The following CHN2 variants were observed in gnomAD, a reference collection of about 807,000 sequenced individuals.
CHN2 encodes chimerin 2.
Under a neutral mutation model 56.3 loss-of-function variants are expected in CHN2, and 35 were observed. That is an observed-to-expected ratio of 0.62 (90% confidence interval 0.47 to 0.82). The LOEUF is 0.82. CHN2 is among the 40% of genes least tolerant of loss of function. The pLI, the probability that CHN2 is intolerant of heterozygous loss-of-function variation, is 0.00. For synonymous variants in CHN2, 210 were observed against 212.8 expected, an observed-to-expected ratio of 0.99 and a Z score of 0.12; for missense variants, 491 against 580.5, an observed-to-expected ratio of 0.85 and a Z score of 1.58.
intron 1 of CHN2, among the ~76,000 whole-genome samples, chr7:29,283,922 C>CTTTTTTTTTTTTT (rs70980520): frequency 4.3e-5 from 3 of 69,956 alleles, no homozygotes; most frequent in African/African-American, 6.4e-5. Flanking sequence ...CAGCCAAGCT[C>CTTTTTTTTTTTTT]TTTTTTTTTT....
intron 2 of CHN2, among the ~76,000 whole-genome samples, chr7:29,358,008 TA>T (rs1379297991): frequency 1.3e-5 from 2 of 152,208 alleles, no homozygotes; most frequent in East Asian, 1.9e-4. Context: ...CACACTTTTT[TA>T]AACTCTAGCA....
At chr7:29,511,718 A>G (rs16875071) in intron 12 of CHN2, among the ~76,000 whole-genome samples, 18,415 of 96,300 alleles carry the variant, frequency 0.19, 1,455 homozygotes, top group East Asian at 0.37. Context: ...TTTTAATTAT[A>G]TTTTCCTAAA....
chr7:29,214,862 G>A (rs570736896), intron 1 of CHN2, among the ~76,000 whole-genome samples: 8 of 152,036 alleles, frequency 5.3e-5, no homozygotes, highest in African/African-American at 1.2e-4. Context: ...TTCATAAAAC[G>A]TGAGTGCAGA....
At chr7:29,183,446 G>A (rs973574223) in intron 2 of CHN2, among the ~76,000 whole-genome samples, 47 of 151,124 alleles carry the variant, frequency 3.1e-4, no homozygotes, top group East Asian at 1.9e-4. Flanking sequence ...GCATGATCTC[G>A]GCTCACTGCA....
At chr7:29,505,493 C>T (rs1165446087) in intron 10 of CHN2, among the ~76,000 whole-genome samples, 4 of 152,204 alleles carry the variant, frequency 2.6e-5, no homozygotes, top group African/African-American at 9.6e-5. Context: ...GACTTCTCTC[C>T]AGTTCCTCCT....
intron 6 of CHN2, among the ~76,000 whole-genome samples, chr7:29,441,576 T>C (rs1285164602): frequency 6.6e-6 from 1 of 152,232 alleles, no homozygotes; most frequent in East Asian, 1.9e-4. Context: ...AAGGCTGTTA[T>C]ATTTCAACAA....
At chr7:29,505,930 A>G (rs10241777) in intron 10 of CHN2, among the ~76,000 whole-genome samples, 3,637 of 152,302 alleles carry the variant, frequency 0.024, 148 homozygotes, top group African/African-American at 0.084. Flanking sequence ...TCAACATGGC[A>G]TATCTTCTAT....
intron 6 of CHN2, among the ~76,000 whole-genome samples, chr7:29,470,495 A>G (rs764549654): frequency 3.3e-5 from 5 of 152,196 alleles, no homozygotes; most frequent in African/African-American, 1.2e-4. Context: ...AACCTGTTTC[A>G]TAGGTATCTT....
chr7:29,180,683 G>A (rs1364409091), intron 2 of CHN2, among the ~76,000 whole-genome samples: 2 of 152,218 alleles, frequency 1.3e-5, no homozygotes, highest in Non-Finnish European at 2.9e-5. Context: ...TATGTAAAGA[G>A]TTATTACAAA....
Position 29,252,237 on chromosome 7 carries a change from G to A in CHN2, c.49+57247G>A, listed in dbSNP as rs905708231. On this transcript the variant is annotated intron_variant, in intron 1 of 12. Coordinates refer to ENST00000222792, the MANE Select transcript of CHN2 (RefSeq NM_004067.4). ...ACAGTCTTGCTCTGTTGCCCAGGCC[G>A]GAGTGCAGTGGTGCCATCTCAGCTC... Among the ~76,000 whole-genome samples, 7 of 137,094 alleles carry A rather than the reference G, an allele frequency of 5.1e-5. No individual in the cohort carries two copies. The East Asian group carries it at 6.7e-4, about 13-fold the overall frequency. The allele number at this position is 137,094 out of a possible 152,430, so 89.9% of individuals were successfully genotyped here. A position where few individuals can be genotyped will look rare whatever the true frequency, so the allele number is the denominator to read the frequency against.
intron 2 of CHN2, among the ~76,000 whole-genome samples, chr7:29,155,117 C>G (rs566327516): frequency 3.0e-4 from 45 of 152,212 alleles, no homozygotes; most frequent in Non-Finnish European, 4.9e-4. Flanking sequence ...TACCTCCCAC[C>G]AGGTCCCTCC....
chr7:29,236,685 A>C (rs1787220114), intron 1 of CHN2, among the ~76,000 whole-genome samples: 1 of 152,250 alleles, frequency 6.6e-6, no homozygotes, highest in Non-Finnish European at 1.5e-5. Context: ...CATAATACAA[A>C]GTTACCAGCT....
intron 1 of CHN2, among the ~76,000 whole-genome samples, chr7:29,295,314 AACACAC>A (rs58693628): frequency 0.012 from 1,691 of 145,058 alleles, 30 homozygotes; most frequent in African/African-American, 0.041. Flanking sequence ...TTTAGCTGTG[AACACAC>A]ACACACACAC....
rs187938058 is a variant in CHN2, at chr7:29,403,434, G to A, written c.576+2606G>A. On this transcript the variant is annotated intron_variant, in intron 6 of 12. Transcript: ENST00000222792. ...CAATTCCAGACACACCAGCATTTCC[G>A]TTTCCAGGTACTTAAATTTCGTTTT... 1.9e-4 allele frequency among the ~76,000 whole-genome samples: 29 copies of A among 152,206 alleles called. No individual in the cohort carries two copies. In the East Asian group the frequency reaches 2.5e-3, roughly 13 times the overall value.
At chr7:29,397,260 G>C (rs1801830638) in intron 4 of CHN2, 1 of 152,182 alleles carries the variant, frequency 6.6e-6, no homozygotes, top group Non-Finnish European at 1.5e-5. Flanking sequence ...TATTGTGATA[G>C]GCACTTTTAA....
At chr7:29,428,844 G>A (rs1805138992) in intron 6 of CHN2, among the ~76,000 whole-genome samples, 2 of 152,146 alleles carry the variant, frequency 1.3e-5, no homozygotes, top group African/African-American at 4.8e-5. Context: ...AGAAGCAAAA[G>A]CTTTTTGGGG....
chr7:29,170,724 G>A (rs544667998), intron 2 of CHN2, among the ~76,000 whole-genome samples: 1 of 152,226 alleles, frequency 6.6e-6, no homozygotes, highest in Non-Finnish European at 1.5e-5. Flanking sequence ...ACGTACTCGC[G>A]ACTGGGCAAT....
chr7:29,434,238 A>G (rs914243188), intron 6 of CHN2, among the ~76,000 whole-genome samples: 2 of 152,182 alleles, frequency 1.3e-5, no homozygotes, highest in African/African-American at 4.8e-5. Context: ...GGTTCTGATT[A>G]TAACTCGTCT....
intron 1 of CHN2, among the ~76,000 whole-genome samples, chr7:29,229,636 G>A (rs1218296789): frequency 1.3e-5 from 2 of 152,168 alleles, no homozygotes; most frequent in South Asian, 2.1e-4. Flanking sequence ...ATGAAGAATT[G>A]GAAAACGAAG....
Sources: gnomAD v4.1 joint callset for allele counts (sites outside exome capture counted in the v4.1 genomes callset) on GRCh38, gnomAD v4.1.1 for gene constraint, MANE v1.5 for transcripts, NCBI Gene and HGNC (gene_info 2026-07-23, HGNC 2026-07-21) for gene names.